Variants in ATXN7L1 observed in about 807,000 individuals in gnomAD.
The protein encoded by ATXN7L1 is ataxin 7 like 1, also known as ataxin-7-like protein 1.
In ATXN7L1, 15 loss-of-function variants were observed where a neutral mutation model predicts 70.8. The ratio of observed to expected loss-of-function variants is 0.21; its 90% CI spans 0.14 to 0.33. The LOEUF (loss-of-function observed/expected upper bound fraction) is 0.33. Ranked by LOEUF, ATXN7L1 falls within the 10% of genes least tolerant of loss-of-function variation. ATXN7L1 has a pLI of 1.00. For missense variants in ATXN7L1, 975 were observed against 1,097.1 expected, an observed-to-expected ratio of 0.89 and a Z score of 1.57; for synonymous variants, 440 against 445.1, an observed-to-expected ratio of 0.99 and a Z score of 0.14.
At chr7:105,809,377 G>A (rs1808083988) in intron 2 of ATXN7L1, among the ~76,000 whole-genome samples, 1 of 152,136 alleles carries the variant, frequency 6.6e-6, no homozygotes, top group African/African-American at 2.4e-5. Flanking sequence ...AACTGACTCA[G>A]CTTGCACTAC....
rs145170024 is a variant in ATXN7L1, at chr7:105,830,519, G to A, written c.251-41811C>T. On this transcript the variant is annotated intron_variant, in intron 2 of 11. Transcript: ENST00000419735. ...GTAGGAAATGTTATACATACCTAAC[G>A]TGTGATTTGGCAGTGGAAGATAACA... is the stretch of plus-strand genomic sequence containing the variant. Among the ~76,000 whole-genome samples, 596 of 152,328 alleles carry A rather than the reference G, an allele frequency of 3.9e-3. 19 individuals are homozygous for A. Among genetic ancestry groups the A allele is most frequent in the Admixed American group, 0.036 (544 of 15,306 alleles).
chr7:105,754,272 C>G (rs767524410), intron 3 of ATXN7L1, among the ~76,000 whole-genome samples: 1 of 152,166 alleles, frequency 6.6e-6, no homozygotes, highest in Non-Finnish European at 1.5e-5. Context: ...TCCCTGGCAG[C>G]CCCTGGAGAG....
At chr7:105,806,521 A>G (rs1347338698) in intron 2 of ATXN7L1, among the ~76,000 whole-genome samples, 2 of 152,136 alleles carry the variant, frequency 1.3e-5, no homozygotes, top group East Asian at 3.8e-4. Flanking sequence ...AAGTGTGAGA[A>G]ACTGATCTGC....
intron 3 of ATXN7L1, among the ~76,000 whole-genome samples, chr7:105,677,432 T>A (rs1294706423): frequency 1.3e-5 from 2 of 152,158 alleles, no homozygotes; most frequent in Non-Finnish European, 2.9e-5. Context: ...TTAGCGCACA[T>A]CACACGCTGT....
At chr7:105,684,871 C>G (rs846930) in intron 3 of ATXN7L1, among the ~76,000 whole-genome samples, 1 of 151,800 alleles carries the variant, frequency 6.6e-6, no homozygotes, top group Admixed American at 6.6e-5. Context: ...AGGTGTCTCA[C>G]GTGGCCCACA....
In ATXN7L1 at chr7:105,840,088, A is replaced by AGGG. The variant is rs932259467; in HGVS notation, c.250+35721_250+35723dup. On this transcript the variant is annotated intron_variant, in intron 2 of 11. Transcript: ENST00000419735. The stretch of plus-strand genomic sequence containing the variant: ...AGGGTGAGTGGTCTGTGGAGAGCAC[A>AGGG]GGGACTCTGCCGGCAGGCAGTGGCT... 8.5e-5 allele frequency among the ~76,000 whole-genome samples: 13 copies of AGGG among 152,314 alleles called. No homozygotes were observed. In the South Asian group the frequency reaches 2.5e-3, roughly 29 times the overall value.
intron 3 of ATXN7L1, chr7:105,760,525 A>T: frequency 1.0e-6 from 1 of 985,886 alleles, no homozygotes; most frequent in Non-Finnish European, 1.2e-6. Flanking sequence ...ACTGTTCCTA[A>T]TGAAATGTCA....
At position 105,676,111 on chromosome 7, in the gene ATXN7L1, G is replaced by C. The variant is rs73192191; in HGVS notation, c.356-10823C>G. Among the ~76,000 whole-genome samples, 1,217 of 152,244 alleles carry C rather than the reference G, an allele frequency of 8.0e-3. 9 individuals are homozygous for C. The highest frequency in any genetic ancestry group is 0.012 in the Non-Finnish European group (816 of 68,006). On this transcript the variant is annotated intron_variant, in intron 3 of 11. Transcript: ENST00000419735. ...AACGGACGCGGCCCTCAGAAGGCAA[G>C]CTGCTGCCCGAAGGACCTGAGTCTG...
At chr7:105,751,738 G>A (rs1264236578) in intron 3 of ATXN7L1, among the ~76,000 whole-genome samples, 3 of 152,174 alleles carry the variant, frequency 2.0e-5, no homozygotes, top group Non-Finnish European at 1.5e-5. Context: ...TCTCCTCAGG[G>A]GCCTCCCATT....
intron 2 of ATXN7L1, among the ~76,000 whole-genome samples, chr7:105,870,926 G>A (rs774239626): frequency 3.3e-5 from 5 of 151,988 alleles, no homozygotes; most frequent in Non-Finnish European, 7.4e-5. Flanking sequence ...CACTTTTCTC[G>A]GAATGCTGAA....
intron 3 of ATXN7L1, among the ~76,000 whole-genome samples, chr7:105,729,301 GAATA>G (rs56308500): frequency 0.1 from 14,737 of 147,404 alleles, 785 homozygotes; most frequent in Non-Finnish European, 0.13. Context: ...ATGAATGAAT[GAATA>G]AATAAATAAA....
intron 3 of ATXN7L1, among the ~76,000 whole-genome samples, chr7:105,766,747 C>G (rs1801308652): frequency 6.6e-6 from 1 of 152,168 alleles, no homozygotes; most frequent in South Asian, 2.1e-4. Flanking sequence ...CTACCTGTGA[C>G]AGGGACAGTG....
Position 105,819,758 on chromosome 7 carries a change from A to T in ATXN7L1, c.251-31050T>A. 8.2e-6 allele frequency: 6 copies of T among 730,158 alleles called. 1 individual carries two copies. Among genetic ancestry groups the T allele is most frequent in the South Asian group, 6.8e-5 (5 of 73,086 alleles). The allele number at this position is 730,158 out of a possible 1,614,324, so 45.2% of individuals were successfully genotyped here. On this transcript the variant is annotated intron_variant, in intron 2 of 11. Transcript: ENST00000419735. ...GGCTGACCTCGAGGCATGTTGCCCC[A>T]CAAGACAAAGCAAGGCCGGGCCGCC...
intron 2 of ATXN7L1, among the ~76,000 whole-genome samples, chr7:105,824,325 G>A (rs1290054936): frequency 6.6e-6 from 1 of 152,040 alleles, no homozygotes; most frequent in Non-Finnish European, 1.5e-5. Flanking sequence ...AATATGAATG[G>A]CCAAGAATCA....
chr7:105,797,201 C>T (rs1806121876), intron 2 of ATXN7L1, among the ~76,000 whole-genome samples: 1 of 152,232 alleles, frequency 6.6e-6, no homozygotes, highest in Admixed American at 6.5e-5. Context: ...CCTCTTCCTG[C>T]CACGGCTAGG....
At chr7:105,788,063 G>A (rs1444980355) in intron 3 of ATXN7L1, 1 of 153,722 alleles carries the variant, frequency 6.5e-6, no homozygotes, top group Non-Finnish European at 1.4e-5. Flanking sequence ...TTTAGAGACG[G>A]AAAGCAGTTC....
intron 7 of ATXN7L1, among the ~76,000 whole-genome samples, chr7:105,631,547 A>G (rs1289428003): frequency 2.0e-5 from 3 of 152,152 alleles, no homozygotes; most frequent in Non-Finnish European, 2.9e-5. Flanking sequence ...GCTCATTGCA[A>G]TCTTTGCCTC....
intron 2 of ATXN7L1, among the ~76,000 whole-genome samples, chr7:105,822,518 C>T (rs867037135): frequency 6.6e-6 from 1 of 152,110 alleles, no homozygotes; most frequent in African/African-American, 2.4e-5. Flanking sequence ...GGAATAAACT[C>T]AGGGAGAAGT....
At chr7:105,656,813 C>T (rs1750725370) in intron 4 of ATXN7L1, among the ~76,000 whole-genome samples, 5 of 152,198 alleles carry the variant, frequency 3.3e-5, no homozygotes. Context: ...TCAGGTGGTC[C>T]ACCCGCCTCG....
Sources: gnomAD v4.1 joint callset for allele counts (sites outside exome capture counted in the v4.1 genomes callset) on GRCh38, gnomAD v4.1.1 for gene constraint, MANE v1.5 for transcripts, NCBI Gene and HGNC (gene_info 2026-07-23, HGNC 2026-07-21) for gene names.